Variants in LARGE1 observed in about 807,000 individuals in gnomAD.
LARGE1 encodes the protein LARGE xylosyl- and glucuronyltransferase 1.
A neutral mutation model predicts 87.6 loss-of-function variants in LARGE1; 43 were observed. The observed-to-expected ratio is 0.49, with a 90% CI of 0.38 to 0.63. LARGE1 has a LOEUF of 0.63. LARGE1 is among the 30% of genes least tolerant of loss of function. The pLI is 0.00. For synonymous variants in LARGE1, 434 were observed against 394.6 expected (o/e 1.10, Z -1.18); for missense variants, 802 against 1,000.2 (o/e 0.80, Z 2.67).
chr22:33,359,810 C>T lies in LARGE1; in HGVS notation c.1132-22009G>A, dbSNP rs1305097669. 2.7e-5 allele frequency among the ~76,000 whole-genome samples: 4 copies of T among 148,940 alleles called. 1 individual carries two copies. The highest frequency in any genetic ancestry group is 4.5e-5 in the Non-Finnish European group (3 of 66,920). On this transcript the variant is annotated intron_variant, in intron 9 of 14. Transcript: ENST00000397394. ...CGATCTCCTGACCTTGTGATCTGCC[C>T]GCCTCGGCCTCCCAAAGTGCTGGGA... is the stretch of plus-strand genomic sequence containing the variant.
chr22:33,576,267 C>T (rs2078349395), intron 5 of LARGE1, among the ~76,000 whole-genome samples: 1 of 152,196 alleles, frequency 6.6e-6, no homozygotes. Context: ...AGAACCATTG[C>T]TTCTGATGGG....
At chr22:33,454,404 G>A (rs991187221) in intron 6 of LARGE1, among the ~76,000 whole-genome samples, 3 of 151,948 alleles carry the variant, frequency 2.0e-5, no homozygotes, top group Non-Finnish European at 4.4e-5. Context: ...TGGATCACGA[G>A]GTCAGGAGAT....
intron 1 of LARGE1, among the ~76,000 whole-genome samples, chr22:33,770,170 C>T (rs1404924703): frequency 1.3e-5 from 2 of 152,218 alleles, no homozygotes; most frequent in Non-Finnish European, 2.9e-5. Flanking sequence ...AGCTAATAAT[C>T]TTTTTGCATG....
chr22:33,115,193 G>A, the LARGE1 span, among the ~76,000 whole-genome samples: 3 of 152,170 alleles, frequency 2.0e-5, no homozygotes, highest in Non-Finnish European at 2.9e-5. Flanking sequence ...ATATTTGGAA[G>A]TAGGGCCTTT....
intron 2 of LARGE1, among the ~76,000 whole-genome samples, chr22:33,688,948 A>G (rs1391005559): frequency 2.6e-5 from 4 of 152,026 alleles, no homozygotes; most frequent in Non-Finnish European, 4.4e-5. Context: ...CTCCCCCAGC[A>G]CTGGCCCCAG....
chr22:33,891,818 A>T (rs2065014171), intron 1 of LARGE1, among the ~76,000 whole-genome samples: 1 of 152,248 alleles, frequency 6.6e-6, no homozygotes, highest in Non-Finnish European at 1.5e-5. Context: ...AAGCAAAGTC[A>T]TTAGAAATTT....
At chr22:33,694,610 C>G (rs2082189091) in intron 2 of LARGE1, among the ~76,000 whole-genome samples, 1 of 152,058 alleles carries the variant, frequency 6.6e-6, no homozygotes. Context: ...AACTTTTTGG[C>G]CACTACTATT....
intron 7 of LARGE1, among the ~76,000 whole-genome samples, chr22:33,407,979 A>C (rs1688966001): frequency 6.7e-6 from 1 of 149,084 alleles, no homozygotes; most frequent in Admixed American, 6.9e-5. Flanking sequence ...AAGGAAGATA[A>C]ACTTTTTTTT....
At chr22:33,357,756 T>C (rs974500343) in intron 9 of LARGE1, among the ~76,000 whole-genome samples, 6 of 151,838 alleles carry the variant, frequency 4.0e-5, no homozygotes, top group African/African-American at 1.2e-4. Context: ...ATTGCACCAT[T>C]GCACTCCAGC....
intron 9 of LARGE1, among the ~76,000 whole-genome samples, chr22:33,359,075 T>C (rs12169709): frequency 0.085 from 12,874 of 151,892 alleles, 1,687 homozygotes; most frequent in African/African-American, 0.28. Context: ...GTTAACCCTC[T>C]AAAACCCACT....
intron 1 of LARGE1, among the ~76,000 whole-genome samples, chr22:33,896,873 G>C (rs1218536387): frequency 6.6e-6 from 1 of 152,160 alleles, no homozygotes; most frequent in African/African-American, 2.4e-5. Context: ...TGCTACAGGG[G>C]CCAAGTGTCA....
At chr22:33,306,747 G>A (rs988499028) in intron 11 of LARGE1, among the ~76,000 whole-genome samples, 3 of 151,782 alleles carry the variant, frequency 2.0e-5, no homozygotes, top group African/African-American at 4.8e-5. Flanking sequence ...GGTAGTGAAC[G>A]CCTGTAGTCC....
chr22:33,841,548 C>CA (rs1287492555), intron 1 of LARGE1, among the ~76,000 whole-genome samples: 2 of 152,304 alleles, frequency 1.3e-5, no homozygotes, highest in East Asian at 3.9e-4. Flanking sequence ...AGTTCAAGGC[C>CA]AGTGGGAAAG....
At chr22:33,525,052 T>G (rs895866829) in intron 6 of LARGE1, among the ~76,000 whole-genome samples, 8 of 152,230 alleles carry the variant, frequency 5.3e-5, no homozygotes, top group African/African-American at 1.9e-4. Flanking sequence ...TAATCTTTTG[T>G]TTAGCATCTT....
chr22:33,410,870 G>A (rs894683882), intron 7 of LARGE1, among the ~76,000 whole-genome samples: 3 of 152,096 alleles, frequency 2.0e-5, no homozygotes. Context: ...TATATGAGCT[G>A]GTGCACGTGA....
chr22:33,917,423 C>T (rs2065819792), intron 1 of LARGE1, among the ~76,000 whole-genome samples: 1 of 152,128 alleles, frequency 6.6e-6, no homozygotes, highest in Non-Finnish European at 1.5e-5. Flanking sequence ...GTGCAGACAG[C>T]GTCTGAGGTG....
intron 3 of LARGE1, among the ~76,000 whole-genome samples, chr22:33,632,904 C>A (rs1003811822): frequency 2.0e-4 from 31 of 152,248 alleles, no homozygotes; most frequent in African/African-American, 7.5e-4. Context: ...CTTTCTAAGG[C>A]AATGCTAAGG....
chr22:33,172,361 G>A (rs1229554915), intron 11 of LARGE1, among the ~76,000 whole-genome samples: 4 of 152,166 alleles, frequency 2.6e-5, no homozygotes, highest in African/African-American at 9.7e-5. Flanking sequence ...GATTGGTTTT[G>A]AAATGGTGGT....
At chr22:33,478,089 T>G (rs914575452) in intron 6 of LARGE1, among the ~76,000 whole-genome samples, 1 of 152,146 alleles carries the variant, frequency 6.6e-6, no homozygotes, top group Admixed American at 6.5e-5. Flanking sequence ...TCAAGTTCAA[T>G]GGGCACTGGG....
Sources: gnomAD v4.1 joint callset for allele counts (sites outside exome capture counted in the v4.1 genomes callset) on GRCh38, gnomAD v4.1.1 for gene constraint, MANE v1.5 for transcripts, NCBI Gene and HGNC (gene_info 2026-07-23, HGNC 2026-07-21) for gene names.